Variants in RTTN observed in about 807,000 individuals in gnomAD.
RTTN encodes the protein rotatin.
Under a neutral mutation model 269.2 loss-of-function variants are expected in RTTN, and 182 were observed. The observed-to-expected ratio is 0.68, with a 90% CI of 0.60 to 0.76. The LOEUF (loss-of-function observed/expected upper bound fraction) is 0.76. RTTN is among the 30% of genes least tolerant of loss of function. The pLI, the probability that RTTN is intolerant of heterozygous loss-of-function variation, is 0.00. For missense variants in RTTN, 2,545 were observed against 2,608.6 expected (o/e 0.98, Z 0.53); for synonymous variants, 1,006 against 963.5 (o/e 1.04, Z -0.82).
chr18:70,101,304 G>A (rs1423516757), intron 28 of RTTN, among the ~76,000 whole-genome samples: 5 of 152,098 alleles, frequency 3.3e-5, no homozygotes, highest in Non-Finnish European at 5.9e-5. Context: ...TTTAGTCTTC[G>A]GAGGGTGTAT....
At chr18:70,067,556 G>A (rs113178314) in intron 34 of RTTN, among the ~76,000 whole-genome samples, 119 of 152,346 alleles carry the variant, frequency 7.8e-4, no homozygotes, top group African/African-American at 2.5e-3. Context: ...AACATTTATA[G>A]TTCTGTGAAG....
chr18:70,107,190 C>T (rs2059342347), intron 28 of RTTN, among the ~76,000 whole-genome samples: 1 of 152,128 alleles, frequency 6.6e-6, no homozygotes, highest in East Asian at 1.9e-4. Flanking sequence ...TGTAGCTATG[C>T]CCCAAGGAGA....
chr18:70,178,942 T>C (rs2061361479), intron 10 of RTTN, among the ~76,000 whole-genome samples: 1 of 152,104 alleles, frequency 6.6e-6, no homozygotes, highest in Non-Finnish European at 1.5e-5. Context: ...TTTAACTCAG[T>C]CTTTTTGAAC....
At chr18:70,020,953 C>A (rs1019331727) in intron 44 of RTTN, 136 bp from the exon 45 acceptor site, 3 of 657,838 alleles carry the variant, frequency 4.6e-6, no homozygotes, top group Non-Finnish European at 7.8e-6. Context: ...GCAATGGAGG[C>A]TAATGTTGGT....
chr18:70,065,258 C>T (rs2058099648), intron 35 of RTTN, among the ~76,000 whole-genome samples: 1 of 124,890 alleles, frequency 8.0e-6, no homozygotes, highest in East Asian at 2.5e-4. Context: ...GGCTTATATA[C>T]TCTCTAGAAT....
At chr18:70,099,494 G>A (rs1470115184) in intron 28 of RTTN, among the ~76,000 whole-genome samples, 2 of 151,776 alleles carry the variant, frequency 1.3e-5, no homozygotes, top group Admixed American at 6.6e-5. Context: ...TTTGTCAGAT[G>A]CGTAGATTGC....
chr18:70,162,224 C>G lies in RTTN; in HGVS notation c.1929+3838G>C, dbSNP rs577976520. ...GTCTTTTGCAGCAACATGGATGCAA[C>G]CAGAGGCCATTATCCTAAGTGAATT... On this transcript the variant is annotated intron_variant, in intron 14 of 48. Coordinates refer to ENST00000640769, the MANE Select transcript of RTTN (RefSeq NM_173630.4). Among the ~76,000 whole-genome samples, 6 of 152,176 alleles carry G rather than the reference C, an allele frequency of 3.9e-5. No homozygotes were observed. In the East Asian group the frequency reaches 1.2e-3, roughly 29 times the overall value.
At chr18:70,112,956 T>C (rs1403842163) in intron 27 of RTTN, among the ~76,000 whole-genome samples, 1 of 152,184 alleles carries the variant, frequency 6.6e-6, no homozygotes, top group Non-Finnish European at 1.5e-5. Flanking sequence ...ACGCAAATCA[T>C]AACAAACAGT....
At chr18:70,069,424 T>C (rs1160345841) in intron 34 of RTTN, among the ~76,000 whole-genome samples, 1 of 152,172 alleles carries the variant, frequency 6.6e-6, no homozygotes, top group Non-Finnish European at 1.5e-5. Flanking sequence ...CTTCAGTGTG[T>C]TTGTAAGCAG....
chr18:70,075,631 T>C, intron 32 of RTTN, 90 bp from the exon 33 acceptor site: 1 of 1,024,968 alleles, frequency 9.8e-7, no homozygotes, highest in Non-Finnish European at 1.4e-6. Flanking sequence ...AGGAAACAAA[T>C]GGGTCCCAGA....
chr18:70,013,698 T>C (rs1161707171), intron 46 of RTTN, among the ~76,000 whole-genome samples: 1 of 152,228 alleles, frequency 6.6e-6, no homozygotes, highest in Admixed American at 6.5e-5. Flanking sequence ...AATAATTGAA[T>C]ATTACCTTCT....
chr18:70,054,377 AT>A, intron 37 of RTTN, 93 bp from the exon 38 acceptor site: 1 of 1,171,708 alleles, frequency 8.5e-7, no homozygotes, highest in East Asian at 2.6e-5. Flanking sequence ...ACAATAAAAA[AT>A]AAAATATTAA....
chr18:70,109,865 T>C, intron 27 of RTTN, 148 bp from the exon 28 acceptor site: 1 of 634,866 alleles, frequency 1.6e-6, no homozygotes, highest in Non-Finnish European at 2.7e-6. Context: ...TCTATCAAAA[T>C]GAGACTTTTC....
In RTTN at chr18:70,020,705, C is replaced by T; in HGVS notation, c.6063G>A (p.Met2021Ile). Residue 2021 changes from methionine (M) to isoleucine (I), a missense_variant, in exon 45 of 49, where the codon ATG becomes ATA. Met to Ile is a conservative substitution (Grantham distance 10). Coordinates refer to ENST00000640769, the MANE Select transcript of RTTN (RefSeq NM_173630.4). ...GCTGAACCGTGGTGTTCTCCAGTGGCATCTGGGAAGCCAACTTTAGGATAC... is the reference window on the plus strand; with the variant it reads ...GCTGAACCGTGGTGTTCTCCAGTGGTATCTGGGAAGCCAACTTTAGGATAC... ...MLCILKLASQ[M>I]PLENTTVQQM... is the part of the protein sequence containing the mutation. 1.2e-6 allele frequency: 2 copies of T among 1,614,050 alleles called. No individual in the cohort carries two copies. The highest frequency in any genetic ancestry group is 1.7e-6 in the Non-Finnish European group (2 of 1,179,934).
chr18:70,108,721 A>G (rs1189498607), intron 28 of RTTN, among the ~76,000 whole-genome samples: 1 of 152,162 alleles, frequency 6.6e-6, no homozygotes, highest in African/African-American at 2.4e-5. Context: ...TTTAAAATCA[A>G]TCAGTAATGG....
In RTTN at chr18:70,017,498, T is replaced by C. The variant is rs1486935045; in HGVS notation, c.6330A>G (p.Lys2110=). 2 of 1,614,058 alleles carry C rather than the reference T, an allele frequency of 1.2e-6. No homozygotes were observed. Among genetic ancestry groups the C allele is most frequent in the South Asian group, 2.2e-5 (2 of 91,080 alleles). ...ATAAAGGGCTGCTCTTGTGCTTGTA[T>C]TTGCTCATCTCTGTTAGTAAGTCTA... ...GCLDLLTEMS[K]YKHKSSPLLP... The change falls in exon 46 of 49, where the codon AAA becomes AAG. Residue 2110 remains lysine (K), a synonymous_variant. Coordinates refer to ENST00000640769, the MANE Select transcript of RTTN (RefSeq NM_173630.4).
At chr18:70,170,660 T>A (rs1447017797) in intron 11 of RTTN, among the ~76,000 whole-genome samples, 1 of 152,086 alleles carries the variant, frequency 6.6e-6, no homozygotes, top group Non-Finnish European at 1.5e-5. Context: ...AGGCTTTGGG[T>A]CGTCATAAGG....
At chr18:70,061,890 AAATAT>A (rs1173833372) in intron 35 of RTTN, among the ~76,000 whole-genome samples, 2 of 152,290 alleles carry the variant, frequency 1.3e-5, no homozygotes, top group Admixed American at 1.3e-4. Context: ...CCAACACTCC[AAATAT>A]AATCCAACAT....
chr18:70,051,322 CTT>C, intron 39 of RTTN, 87 bp downstream of exon 39: 1 of 1,411,348 alleles, frequency 7.1e-7, no homozygotes, highest in African/African-American at 1.5e-5. Flanking sequence ...AATTACTTAA[CTT>C]TAGTGAATTT....
Sources: gnomAD v4.1 joint callset for allele counts (sites outside exome capture counted in the v4.1 genomes callset) on GRCh38, gnomAD v4.1.1 for gene constraint, MANE v1.5 for transcripts, NCBI Gene and HGNC (gene_info 2026-07-23, HGNC 2026-07-21) for gene names.